EPHA4: variants seen among roughly 807,000 people sequenced by gnomAD.
The protein encoded by EPHA4 is ephrin type-A receptor 4.
A neutral mutation model predicts 108.3 loss-of-function variants in EPHA4; 19 were observed. The ratio of observed to expected loss-of-function variants is 0.18; its 90% confidence interval spans 0.12 to 0.26. The LOEUF (loss-of-function observed/expected upper bound fraction) is 0.26, where lower values mean the gene tolerates loss of function less well. EPHA4 is among the 10% of genes least tolerant of loss of function. EPHA4 has a pLI of 1.00. For missense variants in EPHA4, 917 were observed against 1,254.0 expected, an observed-to-expected ratio of 0.73 and a Z score of 4.06; for synonymous variants, 449 against 455.5, an observed-to-expected ratio of 0.99 and a Z score of 0.18.
chr2:221,562,841 C>T (rs556033463), intron 3 of EPHA4, among the ~76,000 whole-genome samples: 5 of 152,014 alleles, frequency 3.3e-5, no homozygotes, highest in Non-Finnish European at 5.9e-5. Context: ...AAGCAAAGGA[C>T]TTTATACACT....
intron 9 of EPHA4, 139 bp from the exon 10 acceptor site, chr2:221,443,745 C>A: frequency 5.6e-6 from 3 of 532,924 alleles, no homozygotes; most frequent in Non-Finnish European, 9.9e-6. Flanking sequence ...TGGTTAAATT[C>A]TTGCTCTGGT....
intron 5 of EPHA4, among the ~76,000 whole-genome samples, chr2:221,479,390 T>C (rs1408001475): frequency 1.3e-5 from 2 of 152,198 alleles, no homozygotes; most frequent in African/African-American, 2.4e-5. Flanking sequence ...TTCTAACATA[T>C]TACTGATGAG....
chr2:221,559,390 T>G (rs766100709), intron 3 of EPHA4, among the ~76,000 whole-genome samples: 1 of 152,176 alleles, frequency 6.6e-6, no homozygotes, highest in Non-Finnish European at 1.5e-5. Context: ...TTTTCAGCTT[T>G]TTAATTAAGC....
chr2:221,489,554 C>G (rs1055393083), intron 4 of EPHA4, among the ~76,000 whole-genome samples: 1 of 152,154 alleles, frequency 6.6e-6, no homozygotes. Context: ...CTACTCCATA[C>G]AAACTGAAAT....
chr2:221,481,618 C>T (rs1046421131), intron 5 of EPHA4, among the ~76,000 whole-genome samples: 1 of 152,090 alleles, frequency 6.6e-6, no homozygotes, highest in Non-Finnish European at 1.5e-5. Context: ...CACGCCACTG[C>T]ATTCCAGCTT....
At chr2:221,530,933 G>A (rs1490174894) in intron 3 of EPHA4, among the ~76,000 whole-genome samples, 1 of 152,094 alleles carries the variant, frequency 6.6e-6, no homozygotes, top group Non-Finnish European at 1.5e-5. Flanking sequence ...TCAAATATTA[G>A]CTCTAAGTGG....
intron 4 of EPHA4, among the ~76,000 whole-genome samples, chr2:221,484,824 T>A (rs916074007): frequency 2.0e-5 from 3 of 152,174 alleles, no homozygotes; most frequent in Admixed American, 2.0e-4. Context: ...TATCTGCCAT[T>A]TGGAGTTATT....
At chr2:221,455,313 A>T (rs925019943) in intron 8 of EPHA4, among the ~76,000 whole-genome samples, 4 of 152,164 alleles carry the variant, frequency 2.6e-5, no homozygotes, top group African/African-American at 9.7e-5. Context: ...CTTGCTCTTC[A>T]GCTTTGTTTC....
intron 8 of EPHA4, among the ~76,000 whole-genome samples, chr2:221,449,658 C>T (rs1326062549): frequency 6.6e-6 from 1 of 152,310 alleles, no homozygotes; most frequent in East Asian, 1.9e-4. Flanking sequence ...GCCCTCTCAA[C>T]CAACGTGCTG....
intron 5 of EPHA4, among the ~76,000 whole-genome samples, chr2:221,474,191 A>G (rs1000246844): frequency 6.6e-6 from 1 of 152,118 alleles, no homozygotes; most frequent in Non-Finnish European, 1.5e-5. Flanking sequence ...CTCTTTTGGC[A>G]GGCTTTTATT....
chr2:221,469,301 G>A (rs1046744623), intron 5 of EPHA4, among the ~76,000 whole-genome samples: 2 of 152,078 alleles, frequency 1.3e-5, no homozygotes, highest in Non-Finnish European at 2.9e-5. Context: ...ATAAACAAGT[G>A]ACTAGGTAAT....
intron 3 of EPHA4, among the ~76,000 whole-genome samples, chr2:221,556,780 C>T (rs1694317742): frequency 6.6e-6 from 1 of 152,064 alleles, no homozygotes; most frequent in Admixed American, 6.6e-5. Context: ...GCTATATTCA[C>T]ATAATTTTTA....
At chr2:221,478,690 C>G (rs1196459436) in intron 5 of EPHA4, among the ~76,000 whole-genome samples, 1 of 152,168 alleles carries the variant, frequency 6.6e-6, no homozygotes, top group African/African-American at 2.4e-5. Flanking sequence ...GGGAAAAGTA[C>G]TCTGTCCTCA....
intron 5 of EPHA4, among the ~76,000 whole-genome samples, chr2:221,468,216 C>T (rs1486769565): frequency 6.6e-6 from 1 of 151,120 alleles, no homozygotes; most frequent in East Asian, 1.9e-4. Flanking sequence ...CCAATCACTT[C>T]CTAGGGAAGA....
chr2:221,510,824 G>A (rs1460308293), intron 3 of EPHA4, among the ~76,000 whole-genome samples: 1 of 152,168 alleles, frequency 6.6e-6, no homozygotes, highest in African/African-American at 2.4e-5. Context: ...GAGTTTGGAA[G>A]GAGTAAGCTT....
At chr2:221,554,440 C>A (rs947069105) in intron 3 of EPHA4, among the ~76,000 whole-genome samples, 1 of 152,138 alleles carries the variant, frequency 6.6e-6, no homozygotes, top group Non-Finnish European at 1.5e-5. Context: ...CATATATGAT[C>A]GTGGCCTTTC....
At chr2:221,421,081 A>G (rs979514013) in intron 17 of EPHA4, among the ~76,000 whole-genome samples, 6 of 152,152 alleles carry the variant, frequency 3.9e-5, no homozygotes, top group Non-Finnish European at 7.3e-5. Flanking sequence ...GCGGATCACG[A>G]GGTCAGGAGA....
rs1310344503 is a variant in EPHA4 at position 221,566,853 on chromosome 2, G to GAA, written c.159+1864_159+1865insTT. Among the ~76,000 whole-genome samples the GAA allele has an allele frequency of 1.1e-3, 58 of 52,448 alleles. 5 individuals are homozygous for GAA. Among genetic ancestry groups the GAA allele is most frequent in the African/African-American group, 6.8e-3 (43 of 6,344 alleles). The allele number at this position is 52,448 out of a possible 152,430, so 34.4% of individuals were successfully genotyped here. A position where few individuals can be genotyped will look rare whatever the true frequency, so the allele number is the denominator to read the frequency against. On this transcript the variant is annotated intron_variant, in intron 2 of 17. Transcript: ENST00000281821. Reference sequence around the variant, plus strand: ...AGAAGGAGAAGAAGGAGAAGGAGAAGGAGAAGAAGAAGAAGAAGAAGAAGG... The same window carrying GAA: ...AGAAGGAGAAGAAGGAGAAGGAGAAGAAGAGAAGAAGAAGAAGAAGAAGAAGG...
chr2:221,473,739 G>A (rs1203276534), intron 5 of EPHA4, among the ~76,000 whole-genome samples: 1 of 151,944 alleles, frequency 6.6e-6, no homozygotes, highest in African/African-American at 2.4e-5. Flanking sequence ...TAATTTAGAA[G>A]CCCATTGGAA....
Sources: gnomAD v4.1 joint callset for allele counts (sites outside exome capture counted in the v4.1 genomes callset) on GRCh38, gnomAD v4.1.1 for gene constraint, MANE v1.5 for transcripts, NCBI Gene and HGNC (gene_info 2026-07-23, HGNC 2026-07-21) for gene names.